Variants in CDH13 observed in about 807,000 individuals in gnomAD.
CDH13 encodes the protein cadherin 13.
Under a neutral mutation model 63.8 loss-of-function variants are expected in CDH13, and 24 were observed. The observed-to-expected ratio is 0.38, with a 90% CI of 0.27 to 0.53. The LOEUF (loss-of-function observed/expected upper bound fraction) is 0.53. Ranked by LOEUF, CDH13 falls within the 20% of genes least tolerant of loss-of-function variation. CDH13 has a pLI of 0.85. For synonymous variants in CDH13, 503 were observed against 355.3 expected (o/e 1.42, Z -4.67); for missense variants, 1,049 against 903.1 (o/e 1.16, Z -2.07).
intron 3 of CDH13, among the ~76,000 whole-genome samples, chr16:83,082,062 A>G (rs2033291468): frequency 6.6e-6 from 1 of 152,146 alleles, no homozygotes; most frequent in South Asian, 2.1e-4. Context: ...GGCCTCCCAA[A>G]GTGCTGGGAT....
At chr16:83,071,987 A>G (rs888703713) in intron 3 of CDH13, among the ~76,000 whole-genome samples, 9 of 152,264 alleles carry the variant, frequency 5.9e-5, no homozygotes, top group African/African-American at 2.2e-4. Flanking sequence ...CACATATGCA[A>G]TTCTAAATTT....
At chr16:83,162,099 C>T (rs960001258) in intron 4 of CDH13, among the ~76,000 whole-genome samples, 1 of 152,206 alleles carries the variant, frequency 6.6e-6, no homozygotes, top group African/African-American at 2.4e-5. Flanking sequence ...ACATGAACTG[C>T]TTCTCAGACG....
chr16:82,636,610 A>C (rs1317857799), intron 1 of CDH13, among the ~76,000 whole-genome samples: 4 of 152,246 alleles, frequency 2.6e-5, no homozygotes, highest in Non-Finnish European at 5.9e-5. Flanking sequence ...GCCAATGCTA[A>C]CAAGCCTCTG....
rs1363289647 is a variant in CDH13, at chr16:83,032,122, G to C, written c.270G>C (p.Val90=). 1.9e-6 allele frequency: 3 copies of C among 1,613,410 alleles called. No individual in the cohort carries two copies. Among genetic ancestry groups the C allele is most frequent in the Non-Finnish European group, 2.5e-6 (3 of 1,179,762 alleles). ...GLVALRNITA[V]GKTLFVHART... is the part of the protein sequence containing the mutation. ...TTGCTCTGAGAAACATAACTGCAGT[G>C]GGCAAAACTCTGTTCGTCCATGCAC... is the stretch of plus-strand genomic sequence containing the variant. The change falls in exon 3 of 14, where the codon GTG becomes GTC. Residue 90 remains valine, a synonymous_variant. Coordinates refer to ENST00000567109, the MANE Select transcript of CDH13 (RefSeq NM_001257.5).
chr16:83,626,301 C>T (rs935789675), intron 8 of CDH13, among the ~76,000 whole-genome samples: 2 of 152,162 alleles, frequency 1.3e-5, no homozygotes, highest in African/African-American at 2.4e-5. Context: ...AAGCACCAGC[C>T]ATCAGGACGT....
chr16:83,152,681 G>A (rs2037035247), intron 4 of CDH13, among the ~76,000 whole-genome samples: 1 of 152,152 alleles, frequency 6.6e-6, no homozygotes, highest in Admixed American at 6.6e-5. Context: ...GGACTGTTTT[G>A]GACAAACACG....
At chr16:83,708,169 AACCAACACATCCCTGCAG>A (rs1907426490) in intron 10 of CDH13, among the ~76,000 whole-genome samples, 3 of 152,174 alleles carry the variant, frequency 2.0e-5, no homozygotes. Flanking sequence ...CCACCGGGAG[AACCAACACATCCCTGCAG>A]ACGACAAAAG....
intron 4 of CDH13, among the ~76,000 whole-genome samples, chr16:83,201,483 C>G (rs954714956): frequency 3.0e-4 from 45 of 151,664 alleles, no homozygotes; most frequent in African/African-American, 1.0e-3. Flanking sequence ...TGTAATGAGC[C>G]ACAGGAGACC....
chr16:83,171,446 C>A, intron 4 of CDH13: 1 of 1,247,332 alleles, frequency 8.0e-7, no homozygotes, highest in Non-Finnish European at 1.1e-6. Context: ...CAGATCCAAA[C>A]CATATCAAAA....
At chr16:83,689,114 G>A (rs1038847823) in intron 10 of CDH13, among the ~76,000 whole-genome samples, 3 of 152,100 alleles carry the variant, frequency 2.0e-5, no homozygotes, top group African/African-American at 4.8e-5. Context: ...TTTGCCATAG[G>A]CCAGACTTTC....
At chr16:83,041,985 C>CAAA (rs1387600534) in intron 3 of CDH13, among the ~76,000 whole-genome samples, 3 of 152,188 alleles carry the variant, frequency 2.0e-5, no homozygotes, top group Admixed American at 2.0e-4. Flanking sequence ...CCTGATCTCA[C>CAAA]ACGTTCTAGA....
chr16:82,730,888 A>G, intron 1 of CDH13, among the ~76,000 whole-genome samples: 1 of 152,364 alleles, frequency 6.6e-6, no homozygotes, highest in East Asian at 1.9e-4. Flanking sequence ...ATTAAAAATT[A>G]AATTGCATCA....
intron 10 of CDH13, among the ~76,000 whole-genome samples, chr16:83,694,536 G>A (rs1225968679): frequency 2.0e-5 from 3 of 152,228 alleles, no homozygotes; most frequent in Non-Finnish European, 4.4e-5. Context: ...TTGCTGTTAT[G>A]ACTGTCCCCA....
intron 11 of CDH13, among the ~76,000 whole-genome samples, chr16:83,753,780 G>C (rs1356293369): frequency 6.6e-6 from 1 of 151,924 alleles, no homozygotes; most frequent in Non-Finnish European, 1.5e-5. Context: ...CTTCCATGTA[G>C]GATACAGTAC....
rs562094195 is a variant in CDH13 at position 82,656,300 on chromosome 16, TTGAA to T, written c.45+29166_45+29169del. ...GAGGCTGGAGTGCACCTGGTTGCAT[TTGAA>T]TGGTGTGCGTGTGTGTGTGTGTGTG... On this transcript the variant is annotated intron_variant, in intron 1 of 13. Coordinates refer to ENST00000567109, the MANE Select transcript of CDH13 (RefSeq NM_001257.5). 3.1e-3 allele frequency among the ~76,000 whole-genome samples: 465 copies of T among 149,352 alleles called. 1 individual carries two copies. The highest frequency in any genetic ancestry group is 4.5e-3 in the Non-Finnish European group (302 of 67,766).
At position 83,035,287 on chromosome 16, in the gene CDH13, C is replaced by T. The variant is rs575176705; in HGVS notation, c.366+3069C>T. 2.0e-5 allele frequency among the ~76,000 whole-genome samples: 3 copies of T among 152,018 alleles called. No homozygotes were observed. In the South Asian group the frequency reaches 6.2e-4, roughly 32 times the overall value. On this transcript the variant is annotated intron_variant, in intron 3 of 13. Coordinates refer to ENST00000567109, the MANE Select transcript of CDH13 (RefSeq NM_001257.5). The stretch of plus-strand genomic sequence containing the variant: ...CTCAGCTCCTGTTGGGGAGGGAATA[C>T]GAATGTGTGCATTGATGCTTGGGTA...
intron 1 of CDH13, among the ~76,000 whole-genome samples, chr16:82,662,874 G>A (rs1489553622): frequency 6.7e-6 from 1 of 148,282 alleles, no homozygotes; most frequent in Non-Finnish European, 1.5e-5. Flanking sequence ...GTGCTTGCGT[G>A]GGCATGCCTG....
intron 7 of CDH13, among the ~76,000 whole-genome samples, chr16:83,558,360 A>C (rs752620544): frequency 2.0e-5 from 3 of 152,186 alleles, no homozygotes; most frequent in Non-Finnish European, 4.4e-5. Context: ...TTCCATCAAA[A>C]ACAAAGCTTG....
At chr16:82,738,949 T>G (rs2033808465) in intron 1 of CDH13, among the ~76,000 whole-genome samples, 1 of 152,220 alleles carries the variant, frequency 6.6e-6, no homozygotes, top group South Asian at 2.1e-4. Context: ...TCACAGACTT[T>G]CCAGAACCTT....
Sources: gnomAD v4.1 joint callset for allele counts (sites outside exome capture counted in the v4.1 genomes callset) on GRCh38, gnomAD v4.1.1 for gene constraint, MANE v1.5 for transcripts, NCBI Gene and HGNC (gene_info 2026-07-23, HGNC 2026-07-21) for gene names.